The following DLGAP1 variants were observed in gnomAD, a reference collection of about 807,000 sequenced individuals.
The protein encoded by DLGAP1 is DLG associated protein 1.
In DLGAP1, 11 loss-of-function variants were observed where a neutral mutation model predicts 90.8. That is an observed-to-expected ratio of 0.12 (90% confidence interval 0.08 to 0.20). DLGAP1 has a LOEUF of 0.20. DLGAP1 is among the 10% of genes least tolerant of loss of function. The probability of loss-of-function intolerance (pLI) is 1.00; values close to 1 mark genes in which losing one functional copy is unlikely to be tolerated. For synonymous variants in DLGAP1, 558 were observed against 540.7 expected (o/e 1.03, Z -0.44); for missense variants, 1,050 against 1,333.8 (o/e 0.79, Z 3.31).
At chr18:3,826,204 GA>G (rs1408970316) in intron 4 of DLGAP1, among the ~76,000 whole-genome samples, 1 of 152,144 alleles carries the variant, frequency 6.6e-6, no homozygotes, top group Non-Finnish European at 1.5e-5. Context: ...GAGTTCAATA[GA>G]AGCCCAAATC....
At chr18:3,602,159 A>G (rs984611316) in intron 7 of DLGAP1, among the ~76,000 whole-genome samples, 1 of 152,154 alleles carries the variant, frequency 6.6e-6, no homozygotes, top group Non-Finnish European at 1.5e-5. Context: ...GTGTGTCTGC[A>G]AGTACTCTCA....
chr18:4,238,671 T>A (rs921713105), intron 1 of DLGAP1, among the ~76,000 whole-genome samples: 1 of 152,202 alleles, frequency 6.6e-6, no homozygotes, highest in Non-Finnish European at 1.5e-5. Context: ...AGGGATTATA[T>A]ATGTATAGCA....
At chr18:3,596,095 G>C (rs1243928569) in intron 7 of DLGAP1, among the ~76,000 whole-genome samples, 2 of 152,138 alleles carry the variant, frequency 1.3e-5, no homozygotes, top group Non-Finnish European at 2.9e-5. Context: ...ACTGGGTCTT[G>C]TTGAGAGATA....
chr18:3,556,254 T>C (rs551082871), intron 9 of DLGAP1, among the ~76,000 whole-genome samples: 220 of 152,162 alleles, frequency 1.4e-3, no homozygotes, highest in Non-Finnish European at 2.7e-3. Context: ...CATTTCACAC[T>C]AGAGTGGCAC....
chr18:3,724,961 T>C (rs909741253), intron 7 of DLGAP1, among the ~76,000 whole-genome samples: 1 of 151,348 alleles, frequency 6.6e-6, no homozygotes, highest in Non-Finnish European at 1.5e-5. Flanking sequence ...TATATCATGA[T>C]AGCTTGCCTA....
intron 7 of DLGAP1, among the ~76,000 whole-genome samples, chr18:3,615,748 C>T (rs1193229910): frequency 2.0e-5 from 3 of 152,154 alleles, no homozygotes; most frequent in Admixed American, 6.6e-5. Flanking sequence ...CCAACTGGCT[C>T]CAGCCCAAAT....
chr18:3,533,457 C>A (rs980736504), intron 10 of DLGAP1, among the ~76,000 whole-genome samples: 1 of 152,064 alleles, frequency 6.6e-6, no homozygotes, highest in Admixed American at 6.6e-5. Flanking sequence ...GGGTTTCTAG[C>A]GGCCTATACG....
rs78994579 is a variant in DLGAP1, at chr18:3,907,923, G to C, written c.-72-27783C>G. On this transcript the variant is annotated intron_variant, in intron 3 of 12. Transcript: ENST00000315677. ...TCAAATATTTATCTAAAAGAGACAG[G>C]CTTCATGGCAGCACAATTCTGAGTT... Among the ~76,000 whole-genome samples, 528 of 152,270 alleles carry C rather than the reference G, an allele frequency of 3.5e-3. 6 individuals carry two copies. Among genetic ancestry groups the C allele is most frequent in the South Asian group, 0.027 (129 of 4,826 alleles).
chr18:4,230,899 T>C (rs569722118), intron 1 of DLGAP1, among the ~76,000 whole-genome samples: 1 of 151,606 alleles, frequency 6.6e-6, no homozygotes, highest in Non-Finnish European at 1.5e-5. Flanking sequence ...TAGATACACC[T>C]ACTACATACT....
intron 1 of DLGAP1, among the ~76,000 whole-genome samples, chr18:4,165,260 G>A (rs1194495394): frequency 6.6e-6 from 1 of 152,176 alleles, no homozygotes; most frequent in East Asian, 1.9e-4. Flanking sequence ...TAGGGAGGCA[G>A]CAATTTGAAT....
intron 5 of DLGAP1, among the ~76,000 whole-genome samples, chr18:3,785,514 C>A (rs957262877): frequency 2.6e-5 from 4 of 152,082 alleles, no homozygotes; most frequent in Non-Finnish European, 1.5e-5. Context: ...AAGCCTTCTG[C>A]CTAGGGGAGG....
chr18:4,053,763 A>G (rs2075171821), intron 2 of DLGAP1, among the ~76,000 whole-genome samples: 1 of 152,148 alleles, frequency 6.6e-6, no homozygotes, highest in African/African-American at 2.4e-5. Flanking sequence ...TAGTTTATAA[A>G]CTACTCAGGT....
chr18:4,122,627 C>T (rs1257445740), intron 2 of DLGAP1, among the ~76,000 whole-genome samples: 1 of 152,100 alleles, frequency 6.6e-6, no homozygotes, highest in Non-Finnish European at 1.5e-5. Flanking sequence ...GGCAAGCCTG[C>T]CAGTTAAATG....
At chr18:4,283,588 T>A (rs1244439368) in intron 1 of DLGAP1, among the ~76,000 whole-genome samples, 1 of 152,310 alleles carries the variant, frequency 6.6e-6, no homozygotes, top group East Asian at 1.9e-4. Context: ...AGAAACCTTG[T>A]GTACAACTTA....
intron 1 of DLGAP1, among the ~76,000 whole-genome samples, chr18:4,315,852 C>T (rs1315352721): frequency 6.6e-6 from 1 of 152,140 alleles, no homozygotes; most frequent in African/African-American, 2.4e-5. Flanking sequence ...CAATATTCAG[C>T]ACATAGTAAG....
chr18:4,453,293 T>C lies in DLGAP1; in HGVS notation c.-267+1713A>G, dbSNP rs573744867. Among the ~76,000 whole-genome samples the C allele has an allele frequency of 2.6e-5, 4 of 152,338 alleles. No individual in the cohort carries two copies. In the South Asian group the frequency reaches 8.3e-4, roughly 32 times the overall value. ...TTATAACTTAAACTTTTTAAAATCA[T>C]ACATTTTGCATAGACATATTCATTA... On this transcript the variant is annotated intron_variant, in intron 1 of 12. Coordinates refer to ENST00000315677, the MANE Select transcript of DLGAP1 (RefSeq NM_004746.4).
At chr18:4,039,812 C>T (rs1294984834) in intron 2 of DLGAP1, among the ~76,000 whole-genome samples, 1 of 152,114 alleles carries the variant, frequency 6.6e-6, no homozygotes, top group Non-Finnish European at 1.5e-5. Context: ...TGCTACTTAG[C>T]TTGTATTTAC....
intron 5 of DLGAP1, among the ~76,000 whole-genome samples, chr18:3,779,986 A>G (rs1268020193): frequency 4.0e-5 from 6 of 151,688 alleles, no homozygotes; most frequent in Non-Finnish European, 8.8e-5. Context: ...GGGTTTCACT[A>G]TATGTTGGCC....
intron 2 of DLGAP1, among the ~76,000 whole-genome samples, chr18:4,128,547 T>C (rs1319679657): frequency 3.9e-5 from 6 of 152,086 alleles, no homozygotes; most frequent in Admixed American, 1.3e-4. Flanking sequence ...CAATTTCCTA[T>C]GGGATTCAAA....
Sources: gnomAD v4.1 joint callset for allele counts (sites outside exome capture counted in the v4.1 genomes callset) on GRCh38, gnomAD v4.1.1 for gene constraint, MANE v1.5 for transcripts, NCBI Gene and HGNC (gene_info 2026-07-23, HGNC 2026-07-21) for gene names.